The following DNAH6 variants were observed in gnomAD, a reference collection of about 807,000 sequenced individuals.
DNAH6 encodes the protein dynein axonemal heavy chain 6.
In DNAH6, 340 loss-of-function variants were observed where a neutral mutation model predicts 491.4. The observed-to-expected ratio is 0.69, with a 90% CI of 0.63 to 0.76. DNAH6 has a LOEUF of 0.76. DNAH6 is among the 30% of genes least tolerant of loss of function. DNAH6 has a pLI of 0.00. For synonymous variants in DNAH6, 1,603 were observed against 1,686.1 expected (o/e 0.95, Z 1.21); for missense variants, 4,443 against 4,972.2 (o/e 0.89, Z 3.20).
chr2:84,736,614 C>T (rs1699560132), intron 62 of DNAH6, among the ~76,000 whole-genome samples: 1 of 151,968 alleles, frequency 6.6e-6, no homozygotes, highest in African/African-American at 2.4e-5. Flanking sequence ...GGATTGCATT[C>T]TTTATTTGTT....
chr2:84,791,014 A>C (rs943059524), intron 68 of DNAH6, among the ~76,000 whole-genome samples: 11 of 152,200 alleles, frequency 7.2e-5, no homozygotes, highest in East Asian at 1.9e-4. Flanking sequence ...ACATGGTGAA[A>C]CCCTGTCTCT....
At chr2:84,561,726 G>A (rs1453089050) in intron 11 of DNAH6, among the ~76,000 whole-genome samples, 1 of 152,092 alleles carries the variant, frequency 6.6e-6, no homozygotes, top group African/African-American at 2.4e-5. Context: ...CAAAAAGTGG[G>A]CAAAGGATAT....
chr2:84,741,239 G>T (rs1249684382), intron 62 of DNAH6, among the ~76,000 whole-genome samples: 1 of 152,144 alleles, frequency 6.6e-6, no homozygotes, highest in Admixed American at 6.5e-5. Context: ...CCAAGGATGA[G>T]GCACAGCTCA....
intron 72 of DNAH6, among the ~76,000 whole-genome samples, chr2:84,809,595 C>T (rs1177649500): frequency 6.6e-6 from 1 of 152,102 alleles, no homozygotes; most frequent in Non-Finnish European, 1.5e-5. Context: ...GACTAAGCTG[C>T]TATGATAAAG....
In DNAH6 at chr2:84,747,842, G is replaced by A. The variant is rs547319740; in HGVS notation, c.10512+2593G>A. On this transcript the variant is annotated intron_variant, in intron 63 of 76. Coordinates refer to ENST00000389394, the MANE Select transcript of DNAH6 (RefSeq NM_001370.2). ...ATGCTGCCAAGCCTCCTTCACTCTT[G>A]CATTCTGCCCAACTGCAGGCTTAAC... 2.3e-4 allele frequency among the ~76,000 whole-genome samples: 35 copies of A among 152,272 alleles called. No individual in the cohort carries two copies. In the South Asian group the frequency reaches 2.9e-3, roughly 13 times the overall value.
At chr2:84,742,483 T>G (rs540707034) in intron 62 of DNAH6, among the ~76,000 whole-genome samples, 1 of 152,206 alleles carries the variant, frequency 6.6e-6, no homozygotes, top group African/African-American at 2.4e-5. Context: ...TACTGGCGTC[T>G]GGTGGGTAGA....
At chr2:84,498,551 T>A in the DNAH6 span, among the ~76,000 whole-genome samples, 2 of 152,054 alleles carry the variant, frequency 1.3e-5, no homozygotes, top group African/African-American at 2.4e-5. Flanking sequence ...ACTGAGTAAT[T>A]TAGTGAGGTT....
intron 51 of DNAH6, 57 bp from the exon 52 acceptor site, chr2:84,705,429 T>G: frequency 7.2e-7 from 1 of 1,397,122 alleles, no homozygotes; most frequent in East Asian, 2.5e-5. Flanking sequence ...AAATACATTC[T>G]TTTGTTCTTA....
chr2:84,721,087 A>G (rs1006176964), intron 59 of DNAH6, among the ~76,000 whole-genome samples: 6 of 152,356 alleles, frequency 3.9e-5, no homozygotes, highest in Non-Finnish European at 5.9e-5. Context: ...GTAGTTGCCA[A>G]ACTCAACGGA....
chr2:84,528,858 G>A (rs1676866490), intron 3 of DNAH6, 46 bp from the exon 4 acceptor site: 2 of 1,476,500 alleles, frequency 1.4e-6, no homozygotes, highest in Middle Eastern at 1.7e-4. Flanking sequence ...TTGTGTGTAT[G>A]TGTGCAAAGA....
Position 84,812,344 on chromosome 2 carries a change from T to A in DNAH6, c.11743T>A (p.Ser3915Thr). The A allele has an allele frequency of 1.9e-6, 3 of 1,551,782 alleles. No individual in the cohort carries two copies. Among genetic ancestry groups the A allele is most frequent in the Non-Finnish European group, 2.6e-6 (3 of 1,146,922 alleles). ...FNNLLKLIHT[S>T]LETLNKAIAG... is the part of the protein sequence containing the mutation. ...AACCCCTTTTTTGTTCTTTCAGACT[T>A]CTCTGGAAACACTCAACAAAGCCAT... The change falls in exon 73 of 77, where the codon TCT (serine) becomes ACT (threonine). Residue 3915 changes from serine to threonine, a missense_variant. Physicochemically the swap from Ser to Thr is moderately conservative, Grantham distance 58. Transcript: ENST00000389394.
Position 84,819,405 on chromosome 2 carries a change from A to C in DNAH6, c.12474A>C (p.Glu4158Asp). The C allele has an allele frequency of 6.5e-7, 1 of 1,549,260 alleles. No homozygotes were observed. The highest frequency in any genetic ancestry group is 8.7e-7 in the Non-Finnish European group (1 of 1,145,118). The change falls in exon 77 of 77, where the codon GAA (glutamate) becomes GAC (aspartate). Residue 4158 changes from glutamate to aspartate, a missense_variant. Glu to Asp is a conservative substitution (Grantham distance 45, BLOSUM62 2). Coordinates refer to ENST00000389394, the MANE Select transcript of DNAH6 (RefSeq NM_001370.2). The stretch of plus-strand genomic sequence containing the variant: ...CAGCTTTGCTCTGCCAGCTGAGCGA[A>C]TGAAAAGGTGCCACCTCAGCCCTGA... ...KGSALLCQLSE is the reference protein window; with the variant it reads ...KGSALLCQLSD
intron 38 of DNAH6, among the ~76,000 whole-genome samples, chr2:84,669,950 A>C (rs746015925): frequency 3.3e-5 from 5 of 152,164 alleles, no homozygotes; most frequent in Admixed American, 6.5e-5. Context: ...GAATGGAGGG[A>C]GGAATATTGA....
chr2:84,545,803 G>C (rs531707020), intron 5 of DNAH6, among the ~76,000 whole-genome samples: 3 of 152,120 alleles, frequency 2.0e-5, no homozygotes, highest in African/African-American at 7.2e-5. Flanking sequence ...CCTAGACAAG[G>C]TTGAAGGGAG....
rs201375253 is a variant in DNAH6 at position 84,707,547 on chromosome 2, G to A, written c.8879G>A (p.Arg2960His). 2,502 of 1,551,784 alleles carry A rather than the reference G, an allele frequency of 1.6e-3. 7 individuals are homozygous for A. Among genetic ancestry groups the A allele is most frequent in the African/African-American group, 5.4e-3 (397 of 73,188 alleles). ...AAGACCATGGCCCTGACAAAAGCACGTCTAGTACGTGCTGGAAAGCTGACA... is the reference window on the plus strand; with the variant it reads ...AAGACCATGGCCCTGACAAAAGCACATCTAGTACGTGCTGGAAAGCTGACA... Reference protein sequence around the residue: ...LAKTMALTKARLVRAGKLTAA... With the variant: ...LAKTMALTKAHLVRAGKLTAA... The change falls in exon 54 of 77, where the codon CGT (arginine) becomes CAT (histidine). Residue 2960 changes from arginine to histidine, a missense_variant. Physicochemically the swap from Arg to His is conservative, Grantham distance 29. Around this residue, in one of 3 missense-constraint regions of DNAH6, gnomAD observed 1,463 missense variants for 1,656.6 expected, o/e 0.88. Transcript: ENST00000389394.
intron 2 of DNAH6, among the ~76,000 whole-genome samples, chr2:84,523,948 G>C (rs527334949): frequency 6.8e-4 from 104 of 152,170 alleles, no homozygotes; most frequent in African/African-American, 2.3e-3. Context: ...GAGTTCTGTA[G>C]AGGTCTATCA....
chr2:84,519,861 T>C (rs1675978883), intron 2 of DNAH6, among the ~76,000 whole-genome samples: 1 of 152,138 alleles, frequency 6.6e-6, no homozygotes, highest in Non-Finnish European at 1.5e-5. Context: ...TTATTTGTAA[T>C]TTTGTAATTT....
rs1692499452 is a variant in DNAH6, at chr2:84,669,466, G to A, written c.6262G>A (p.Val2088Ile). The A allele has an allele frequency of 2.6e-6, 4 of 1,551,870 alleles. No homozygotes were observed. Among genetic ancestry groups the A allele is most frequent in the South Asian group, 1.2e-5 (1 of 84,054 alleles). The change falls in exon 38 of 77, where the codon GTC (valine) becomes ATC (isoleucine). Residue 2088 changes from valine to isoleucine, a missense_variant. By Grantham distance (29) the Val-to-Ile change is conservative (BLOSUM62 3). Around this residue, in one of 3 missense-constraint regions of DNAH6, gnomAD observed 2,977 missense variants for 3,296.6 expected, o/e 0.90. Coordinates refer to ENST00000389394, the MANE Select transcript of DNAH6 (RefSeq NM_001370.2). The stretch of plus-strand genomic sequence containing the variant: ...GTATCTAATGGAAAAACTACTGGCA[G>A]TCAAGCATTCCGTGTTGTTTACTGG... ...YGYLMEKLLAVKHSVLFTGIT... is the reference protein window; with the variant it reads ...YGYLMEKLLAIKHSVLFTGIT...
At chr2:84,622,559 T>A (rs1687497503) in intron 26 of DNAH6, among the ~76,000 whole-genome samples, 1 of 152,128 alleles carries the variant, frequency 6.6e-6, no homozygotes, top group Admixed American at 6.6e-5. Flanking sequence ...ACTCACATTC[T>A]CTTTATCCGT....
Sources: gnomAD v4.1 joint callset for allele counts (sites outside exome capture counted in the v4.1 genomes callset) on GRCh38, gnomAD v4.1.1 for gene constraint, gnomAD v4.1.1 regional missense constraint, MANE v1.5 for transcripts, NCBI Gene and HGNC (gene_info 2026-07-23, HGNC 2026-07-21) for gene names.